C22orf15: variants seen among roughly 807,000 people sequenced by gnomAD.
The protein encoded by C22orf15 is uncharacterized protein C22orf15.
In C22orf15, 21 loss-of-function variants were observed where a neutral mutation model predicts 20.3. The ratio of observed to expected loss-of-function variants is 1.04; its 90% CI spans 0.74 to 1.49. The LOEUF (loss-of-function observed/expected upper bound fraction) is 1.49, where lower values mean the gene tolerates loss of function less well. Ranked by LOEUF, C22orf15 falls within the 40% of genes most tolerant of loss-of-function variation. The probability of loss-of-function intolerance (pLI) is 0.00; values close to 1 mark genes in which losing one functional copy is unlikely to be tolerated. For synonymous variants in C22orf15, 78 were observed against 75.4 expected, an observed-to-expected ratio of 1.03 and a Z score of -0.18; for missense variants, 170 against 191.1, an observed-to-expected ratio of 0.89 and a Z score of 0.65.
chr22:23,765,597 C>A (rs1215213339), intron 5 of C22orf15, 124 bp from the exon 6 acceptor site: 2 of 1,516,100 alleles, frequency 1.3e-6, no homozygotes, highest in Non-Finnish European at 1.8e-6. Flanking sequence ...GGATTCCACC[C>A]TCAGAGTCAG....
intron 1 of C22orf15, among the ~76,000 whole-genome samples, chr22:23,763,821 C>G (rs179465): frequency 0.9 from 137,291 of 152,284 alleles, 62,041 homozygotes; most frequent in Middle Eastern, 0.95. Context: ...GGGCTGGCGC[C>G]CACTTCGTGC....
chr22:23,765,346 G>T, intron 5 of C22orf15: 1 of 1,550,430 alleles, frequency 6.4e-7, no homozygotes, highest in South Asian at 1.2e-5. Flanking sequence ...ACCCAAGGGG[G>T]TTAGCCATGA....
Position 23,763,326 on chromosome 22 carries a change from T to C in C22orf15, c.20T>C (p.Phe7Ser), listed in dbSNP as rs572990855. 1.7e-5 allele frequency: 26 copies of C among 1,549,368 alleles called. No homozygotes were observed. The highest frequency in any genetic ancestry group is 1.2e-4 in the East Asian group (5 of 40,578). Reference sequence around the variant, plus strand: ...GCAGCTATGTTTATCAAGGTGATGTTTGGGGGTAAGTGGGGTCCCCTGTCT... The same window carrying C: ...GCAGCTATGTTTATCAAGGTGATGTCTGGGGGTAAGTGGGGTCCCCTGTCT... The part of the protein sequence containing the change: MFIKVM[F>S]GAGCSVLVNT... Residue 7 changes from phenylalanine (F) to serine (S), a missense_variant, in exon 1 of 6, where the codon TTT (phenylalanine) becomes TCT (serine). Physicochemically the swap from Phe to Ser is radical, Grantham distance 155. Transcript: ENST00000402217.
At chr22:23,764,949 G>C (rs1027837257) in intron 5 of C22orf15, 47 bp downstream of exon 5, 17 of 1,571,844 alleles carry the variant, frequency 1.1e-5, no homozygotes, top group Non-Finnish European at 1.3e-5. Flanking sequence ...CAGGGAGCCA[G>C]GTACAGAGCA....
chr22:23,764,388 C>A lies in C22orf15; in HGVS notation c.241C>A (p.Arg81=). The stretch of plus-strand genomic sequence containing the variant: ...GGAGCGAGCCATATATGTCCTCGTT[C>A]GGATCATCAGTAAGGTGGCCCAAGG... The part of the protein sequence containing the change: ...LKERAIYVLV[R]IIKGEDMAST... Residue 81 remains arginine (R), a synonymous_variant, in exon 3 of 6, where the codon CGG becomes AGG. Transcript: ENST00000402217. The A allele has an allele frequency of 1.3e-6, 2 of 1,558,340 alleles. No homozygotes were observed. Among genetic ancestry groups the A allele is most frequent in the East Asian group, 2.4e-5 (1 of 41,218 alleles).
Position 23,763,163 on chromosome 22 carries a change from G to A in C22orf15, c.-144G>A, listed in dbSNP as rs1925987738. The stretch of plus-strand genomic sequence containing the variant: ...GTGGCTGAGCAGGGGCCTGGCCCTG[G>A]GACCCAGCCATCCACACTCACACAT... On this transcript the variant is annotated 5_prime_UTR_variant, in exon 1 of 6. Transcript: ENST00000402217. 4.4e-6 allele frequency: 5 copies of A among 1,143,992 alleles called. No homozygotes were observed. The South Asian group carries it at 7.0e-5, about 16-fold the overall frequency. 70.9% of individuals were successfully genotyped at this position (1,143,992 alleles called of 1,614,324 possible).
chr22:23,764,786 C>T lies in C22orf15; in HGVS notation c.326-7C>T. The T allele has an allele frequency of 6.2e-7, 1 of 1,614,142 alleles. No homozygotes were observed. The highest frequency in any genetic ancestry group is 8.5e-7 in the Non-Finnish European group (1 of 1,180,014). ...CCCCTACCAACAGGACTTCCTGGGC[C>T]TTCCAGAGGAACTGCGCAGGCTGTC... is the stretch of plus-strand genomic sequence containing the variant. On this transcript the variant is annotated splice_polypyrimidine_tract_variant and splice_region_variant and intron_variant, in intron 4 of 5. Transcript: ENST00000402217.
Position 23,763,337 on chromosome 22 carries a change from T to TG in C22orf15, c.25+10dup. 1 of 1,547,838 alleles carries TG rather than the reference T, an allele frequency of 6.5e-7. No individual in the cohort carries two copies. Among genetic ancestry groups the TG allele is most frequent in the Non-Finnish European group, 8.7e-7 (1 of 1,145,800 alleles). ...TATCAAGGTGATGTTTGGGGGTAAG[T>TG]GGGGTCCCCTGTCTTGGTAGGCGGA... is the stretch of plus-strand genomic sequence containing the variant. On this transcript the variant is annotated splice_region_variant and intron_variant, in intron 1 of 5. Transcript: ENST00000402217.
chr22:23,764,329 C>G lies in C22orf15; in HGVS notation c.182C>G (p.Ser61Cys), dbSNP rs1221961196. Residue 61 changes from serine (S) to cysteine (C), a missense_variant, in exon 3 of 6, where the codon TCC becomes TGC. Transcript: ENST00000402217. ...SLEEDLKEGA[S>C]RAQTMGNSLL... ...GAGGAGGACCTGAAGGAAGGGGCTTCCCGGGCCCAGACCATGGGCAACTCC... is the reference window on the plus strand; with the variant it reads ...GAGGAGGACCTGAAGGAAGGGGCTTGCCGGGCCCAGACCATGGGCAACTCC... 3 of 1,551,616 alleles carry G rather than the reference C, an allele frequency of 1.9e-6. No individual in the cohort carries two copies. The Admixed American group carries it at 5.9e-5, about 30-fold the overall frequency.
Position 23,763,269 on chromosome 22 carries a change from G to T in C22orf15, c.-38G>T, listed in dbSNP as rs553084253. The T allele has an allele frequency of 6.5e-7, 1 of 1,549,802 alleles. No individual in the cohort carries two copies. The highest frequency in any genetic ancestry group is 8.7e-7 in the Non-Finnish European group (1 of 1,146,494). ...TTAGTTGGGGAATCGAGAGTTGGGGGATCAAAGCCCCCCACATCTCCCTCA... is the reference window on the plus strand; with the variant it reads ...TTAGTTGGGGAATCGAGAGTTGGGGTATCAAAGCCCCCCACATCTCCCTCA... On this transcript the variant is annotated 5_prime_UTR_variant, in exon 1 of 6. Coordinates refer to ENST00000402217, the MANE Select transcript of C22orf15 (RefSeq NM_182520.3).
intron 1 of C22orf15, 57 bp downstream of exon 1, chr22:23,763,388 G>C: frequency 1.3e-6 from 2 of 1,508,802 alleles, no homozygotes; most frequent in South Asian, 1.3e-5. Context: ...ACTCAGAGGC[G>C]TGCTTCCTTC....
At chr22:23,763,573 C>T (rs1016626867) in intron 1 of C22orf15, among the ~76,000 whole-genome samples, 1 of 152,360 alleles carries the variant, frequency 6.6e-6, no homozygotes, top group South Asian at 2.1e-4. Flanking sequence ...GGCCAGAGAC[C>T]GCCGCATTAC....
chr22:23,764,059 ACAGGCT>A (rs1926193337), intron 1 of C22orf15, 22 bp from the exon 2 acceptor site: 1 of 1,547,216 alleles, frequency 6.5e-7, no homozygotes, highest in Non-Finnish European at 8.7e-7. Context: ...AAGAGATCTC[ACAGGCT>A]CACCTTTGCC....
intron 5 of C22orf15, chr22:23,765,182 A>T: frequency 6.9e-7 from 1 of 1,440,262 alleles, no homozygotes; most frequent in Non-Finnish European, 9.1e-7. Context: ...GGCACACAGT[A>T]GGAGCTCAGT....
In C22orf15 at chr22:23,764,733, C is replaced by A; in HGVS notation, c.325+20C>A. 1 of 1,614,148 alleles carries A rather than the reference C, an allele frequency of 6.2e-7. No homozygotes were observed. Among genetic ancestry groups the A allele is most frequent in the Non-Finnish European group, 8.5e-7 (1 of 1,180,010 alleles). Reference sequence around the variant, plus strand: ...TGGCAGGTGAGTGTCAGGGTACAGCCCAGGGGGAGGGCACACCTTCTCCCT... The same window carrying A: ...TGGCAGGTGAGTGTCAGGGTACAGCACAGGGGGAGGGCACACCTTCTCCCT... On this transcript the variant is annotated intron_variant, in intron 4 of 5. Transcript: ENST00000402217.
chr22:23,764,352 T>C lies in C22orf15; in HGVS notation c.205T>C (p.Ser69Pro). The C allele has an allele frequency of 6.4e-7, 1 of 1,551,704 alleles. No homozygotes were observed. The highest frequency in any genetic ancestry group is 8.7e-7 in the Non-Finnish European group (1 of 1,147,058). ...TTCCCGGGCCCAGACCATGGGCAAC[T>C]CCCTACTGAAGGAGCGAGCCATATA... The part of the protein sequence containing the change: ...GASRAQTMGN[S>P]LLKERAIYVL... The change falls in exon 3 of 6, where the codon TCC becomes CCC. Residue 69 changes from serine to proline, a missense_variant. Ser to Pro is a moderately conservative substitution (Grantham distance 74). Transcript: ENST00000402217.
chr22:23,765,652 A>G, intron 5 of C22orf15, 69 bp from the exon 6 acceptor site: 1 of 1,519,324 alleles, frequency 6.6e-7, no homozygotes, highest in East Asian at 2.5e-5. Flanking sequence ...CTCACTCTGG[A>G]CTGCCCAAGG....
At position 23,763,124 on chromosome 22, in the gene C22orf15, G is replaced by A. The variant is rs1407400123; in HGVS notation, c.-183G>A. ...GCAGGGTTTGAGCTAGGCTGAAGCA[G>A]CAGAACCACAGAGGTGGCTGAGCAG... On this transcript the variant is annotated 5_prime_UTR_variant, in exon 1 of 6. Coordinates refer to ENST00000402217, the MANE Select transcript of C22orf15 (RefSeq NM_182520.3). 6.8e-6 allele frequency: 5 copies of A among 736,638 alleles called. No individual in the cohort carries two copies. Among genetic ancestry groups the A allele is most frequent in the African/African-American group, 1.8e-5 (1 of 55,198 alleles). The allele number at this position is 736,638 out of a possible 1,614,324, so 45.6% of individuals were successfully genotyped here. A position where few individuals can be genotyped will look rare whatever the true frequency, so the allele number is the denominator to read the frequency against.
chr22:23,765,095 T>A (rs1160272309), intron 5 of C22orf15, 193 bp downstream of exon 5: 1 of 1,440,450 alleles, frequency 6.9e-7, no homozygotes, highest in African/African-American at 1.4e-5. Flanking sequence ...CTGAGACAGG[T>A]CCCCACCACC....
Sources: gnomAD v4.1 joint callset for allele counts (sites outside exome capture counted in the v4.1 genomes callset) on GRCh38, gnomAD v4.1.1 for gene constraint, MANE v1.5 for transcripts, NCBI Gene and HGNC (gene_info 2026-07-23, HGNC 2026-07-21) for gene names.